Variants in CFAP77 observed in about 807,000 individuals in gnomAD.
CFAP77 encodes the protein cilia- and flagella-associated protein 77.
A neutral mutation model predicts 31.1 loss-of-function variants in CFAP77; 25 were observed. The ratio of observed to expected loss-of-function variants is 0.80; its 90% CI spans 0.59 to 1.12. CFAP77 has a LOEUF of 1.12. Ranked by LOEUF, CFAP77 falls within the 50% of genes most tolerant of loss-of-function variation. CFAP77 has a pLI of 0.00. For missense variants in CFAP77, 377 were observed against 397.3 expected (o/e 0.95, Z 0.44); for synonymous variants, 151 against 159.9 (o/e 0.94, Z 0.42).
chr9:132,432,961 G>A (rs1031810318), intron 1 of CFAP77, among the ~76,000 whole-genome samples: 15 of 152,150 alleles, frequency 9.9e-5, no homozygotes, highest in East Asian at 1.9e-4. Context: ...TGATCTGCCC[G>A]CCTCAGCCTC....
At chr9:132,469,779 C>T (rs571740436) in intron 1 of CFAP77, among the ~76,000 whole-genome samples, 1 of 151,976 alleles carries the variant, frequency 6.6e-6, no homozygotes, top group African/African-American at 2.4e-5. Flanking sequence ...ATAGCGAAAC[C>T]GGGAAATGGA....
chr9:132,539,096 AT>A lies in CFAP77; in HGVS notation c.630+1391del, dbSNP rs1486217197. On this transcript the variant is annotated intron_variant, in intron 4 of 5. Transcript: ENST00000393216. The surrounding 1 kb of genome is among the most constrained non-coding windows in gnomAD (Gnocchi z 4.3). ...AGCAAGACTCCGTCTCGATAAAAAAATAAATAAATAAAAATAAATAAATAAA... is the reference window on the plus strand; with the variant it reads ...AGCAAGACTCCGTCTCGATAAAAAAAAAATAAATAAAAATAAATAAATAAA... 2.0e-5 allele frequency among the ~76,000 whole-genome samples: 3 copies of A among 151,936 alleles called. No individual in the cohort carries two copies. The highest frequency in any genetic ancestry group is 2.9e-5 in the Non-Finnish European group (2 of 67,968).
At chr9:132,429,629 G>A (rs895523766) in intron 1 of CFAP77, among the ~76,000 whole-genome samples, 1 of 150,294 alleles carries the variant, frequency 6.7e-6, no homozygotes, top group Non-Finnish European at 1.5e-5. Context: ...TGGATCACAA[G>A]GTCAGGAGAT....
intron 1 of CFAP77, among the ~76,000 whole-genome samples, chr9:132,445,321 T>A (rs1850691184): frequency 6.6e-6 from 1 of 152,168 alleles, no homozygotes; most frequent in Admixed American, 6.5e-5. Flanking sequence ...TCTAAGTACA[T>A]CATAAAAGCA....
chr9:132,524,388 G>A (rs11243813), intron 3 of CFAP77, among the ~76,000 whole-genome samples: 5 of 151,534 alleles, frequency 3.3e-5, no homozygotes, highest in Non-Finnish European at 5.9e-5. Flanking sequence ...ATCACTTGAG[G>A]TCAGGAGTTT....
At chr9:132,488,671 G>A (rs561394801) in intron 1 of CFAP77, among the ~76,000 whole-genome samples, 10 of 152,190 alleles carry the variant, frequency 6.6e-5, no homozygotes, top group African/African-American at 2.4e-4. Flanking sequence ...ACCTGCACCT[G>A]CCTCTAGCTA....
chr9:132,415,594 G>A (rs543936220), intron 1 of CFAP77, among the ~76,000 whole-genome samples: 10 of 152,334 alleles, frequency 6.6e-5, no homozygotes, highest in African/African-American at 1.9e-4. Flanking sequence ...AGAACACTGC[G>A]GTGGCGTGGC....
chr9:132,523,088 CTTTTT>C (rs767708460), intron 3 of CFAP77, among the ~76,000 whole-genome samples: 1 of 125,262 alleles, frequency 8.0e-6, no homozygotes, highest in African/African-American at 2.8e-5. Flanking sequence ...TTTCTTCTTT[CTTTTT>C]TTTTTTTTTT....
In CFAP77 at chr9:132,572,627, G is replaced by A. The variant is rs1829975463; in HGVS notation, c.*117G>A. 4.7e-6 allele frequency: 5 copies of A among 1,065,990 alleles called. No homozygotes were observed. In the East Asian group the frequency reaches 1.3e-4, roughly 28 times the overall value. The allele number at this position is 1,065,990 out of a possible 1,614,324, so 66.0% of individuals were successfully genotyped here. The stretch of plus-strand genomic sequence containing the variant: ...ATTTTTATGCAGGTTCTGCTTCAAG[G>A]AGCTCAGATTCAAGTCTTAGGCTAA... On this transcript the variant is annotated 3_prime_UTR_variant, in exon 6 of 6. Transcript: ENST00000393216.
At chr9:132,523,893 C>T (rs931379321) in intron 3 of CFAP77, among the ~76,000 whole-genome samples, 6 of 152,204 alleles carry the variant, frequency 3.9e-5, no homozygotes, top group Admixed American at 1.3e-4. Context: ...TCTGCCCCGC[C>T]ACCCCCACTC....
At chr9:132,459,196 C>T (rs905354016) in intron 1 of CFAP77, among the ~76,000 whole-genome samples, 5 of 151,910 alleles carry the variant, frequency 3.3e-5, no homozygotes, top group South Asian at 2.1e-4. Context: ...CTCAGCCTCC[C>T]GAGTAGCTGG....
intron 4 of CFAP77, among the ~76,000 whole-genome samples, chr9:132,541,508 G>T (rs1852640984): frequency 6.6e-6 from 1 of 152,196 alleles, no homozygotes; most frequent in Non-Finnish European, 1.5e-5. Flanking sequence ...TGAATCACTT[G>T]AGGCCAGGAA....
Position 132,498,704 on chromosome 9 carries a change from G to A in CFAP77, c.205G>A (p.Gly69Ser), listed in dbSNP as rs140186450. Residue 69 changes from glycine to serine, a missense_variant, in exon 2 of 6, where the codon GGC (glycine) becomes AGC (serine). By Grantham distance (56) the Gly-to-Ser change is moderately conservative (BLOSUM62 0). Coordinates refer to ENST00000393216, the MANE Select transcript of CFAP77 (RefSeq NM_001282957.2). This position sits in a 1 kb window ranked among gnomAD's most constrained non-coding sequence, Gnocchi z 4.2. ...QNPLIVKAEL[G>S]KPRERSYSLP... ...GTCCTTCCCCCGACAGGCTGAACTC[G>A]GCAAGCCCCGGGAAAGAAGCTACAG... is the stretch of plus-strand genomic sequence containing the variant. The A allele has an allele frequency of 6.0e-4, 972 of 1,611,076 alleles. 3 individuals are homozygous for A. Among genetic ancestry groups the A allele is most frequent in the South Asian group, 2.0e-3 (177 of 90,464 alleles).
intron 1 of CFAP77, among the ~76,000 whole-genome samples, chr9:132,415,772 G>T (rs1221685203): frequency 6.6e-6 from 1 of 152,124 alleles, no homozygotes; most frequent in Non-Finnish European, 1.5e-5. Flanking sequence ...AACTGACCCT[G>T]CGGACGAAAT....
At chr9:132,482,453 G>T in intron 1 of CFAP77, 1 of 1,567,104 alleles carries the variant, frequency 6.4e-7, no homozygotes, top group Admixed American at 1.7e-5. Flanking sequence ...TGTCACCCTG[G>T]AGAAAAAGGG....
Position 132,572,383 on chromosome 9 carries a change from C to T in CFAP77, c.733-5C>T, listed in dbSNP as rs1829969991. The T allele has an allele frequency of 6.2e-7, 1 of 1,612,972 alleles. No homozygotes were observed. Among genetic ancestry groups the T allele is most frequent in the Non-Finnish European group, 8.5e-7 (1 of 1,179,624 alleles). ...CACCCACCCACTCTTCCCTTCTATC[C>T]ACAGGTGGGCCGCCACCTTGATACG... On this transcript the variant is annotated splice_polypyrimidine_tract_variant and splice_region_variant and intron_variant, in intron 5 of 5. Transcript: ENST00000393216.
intron 3 of CFAP77, among the ~76,000 whole-genome samples, chr9:132,533,958 T>C (rs1318667731): frequency 1.3e-5 from 2 of 152,176 alleles, no homozygotes; most frequent in Non-Finnish European, 2.9e-5. Context: ...CCAGTTTACG[T>C]TGGGTTTTTT....
intron 5 of CFAP77, among the ~76,000 whole-genome samples, chr9:132,544,006 G>A (rs1324211907): frequency 6.6e-6 from 1 of 152,220 alleles, no homozygotes; most frequent in African/African-American, 2.4e-5. Flanking sequence ...CAGTCGCCTG[G>A]CCCCGGGAAG....
Position 132,499,463 on chromosome 9 carries a change from A to G in CFAP77, c.387A>G (p.Lys129=). The G allele has an allele frequency of 6.2e-7, 1 of 1,614,138 alleles. No individual in the cohort carries two copies. The highest frequency in any genetic ancestry group is 8.5e-7 in the Non-Finnish European group (1 of 1,180,024). Residue 129 remains lysine (K), a synonymous_variant, in exon 3 of 6, where the codon AAA becomes AAG. Transcript: ENST00000393216. The surrounding 1 kb of genome is among the most constrained non-coding windows in gnomAD (Gnocchi z 5.4). ...NYIAMNRGAV[K]AGLVTARENL... ...TCGCAATGAACCGCGGGGCGGTGAA[A>G]GCCGGCCTGGTGACTGCCCGGGAGA... is the stretch of plus-strand genomic sequence containing the variant.
Sources: gnomAD v4.1 joint callset for allele counts (sites outside exome capture counted in the v4.1 genomes callset) on GRCh38, gnomAD v4.1.1 for gene constraint, Gnocchi (gnomAD v3.1) non-coding constraint, MANE v1.5 for transcripts, NCBI Gene and HGNC (gene_info 2026-07-23, HGNC 2026-07-21) for gene names.